The following APBB1IP variants were observed in gnomAD, a reference collection of about 807,000 sequenced individuals.
The protein encoded by APBB1IP is amyloid beta A4 precursor protein-binding family B member 1-interacting protein.
A neutral mutation model predicts 64.9 loss-of-function variants in APBB1IP; 27 were observed. The observed-to-expected ratio is 0.42, with a 90% CI of 0.31 to 0.57. APBB1IP has a LOEUF of 0.57. Ranked by LOEUF, APBB1IP falls within the 20% of genes least tolerant of loss-of-function variation. The probability of loss-of-function intolerance (pLI) is 0.20; values close to 1 mark genes in which losing one functional copy is unlikely to be tolerated. For missense variants in APBB1IP, 812 were observed against 845.5 expected (o/e 0.96, Z 0.49); for synonymous variants, 392 against 331.0 (o/e 1.18, Z -2.00).
chr10:26,565,388 T>A (rs1372872420), intron 14 of APBB1IP, among the ~76,000 whole-genome samples: 1 of 152,074 alleles, frequency 6.6e-6, no homozygotes, highest in Non-Finnish European at 1.5e-5. Flanking sequence ...AGGAGTGAAG[T>A]CATTTGGCTT....
At chr10:26,554,946 C>T (rs1392207364) in intron 11 of APBB1IP, among the ~76,000 whole-genome samples, 1 of 152,120 alleles carries the variant, frequency 6.6e-6, no homozygotes, top group Non-Finnish European at 1.5e-5. Flanking sequence ...AACTTTATTA[C>T]ATCTGGCAAT....
intron 11 of APBB1IP, among the ~76,000 whole-genome samples, chr10:26,545,630 G>A (rs893018445): frequency 2.0e-5 from 3 of 152,010 alleles, no homozygotes; most frequent in Non-Finnish European, 4.4e-5. Context: ...CGTGGTAGCG[G>A]GCGCCTGTAG....
intron 2 of APBB1IP, among the ~76,000 whole-genome samples, chr10:26,465,200 G>T (rs1329171092): frequency 6.6e-6 from 1 of 152,214 alleles, no homozygotes; most frequent in Non-Finnish European, 1.5e-5. Context: ...CCATAGGAAA[G>T]TGTGTGTCAG....
intron 11 of APBB1IP, among the ~76,000 whole-genome samples, chr10:26,542,454 C>A (rs1306145502): frequency 6.6e-6 from 1 of 152,186 alleles, no homozygotes; most frequent in Non-Finnish European, 1.5e-5. Flanking sequence ...CCACTCCTGG[C>A]CGATTTACAT....
chr10:26,463,706 G>A (rs1420804612), intron 2 of APBB1IP, among the ~76,000 whole-genome samples: 1 of 152,154 alleles, frequency 6.6e-6, no homozygotes, highest in African/African-American at 2.4e-5. Context: ...ATTGTTGACA[G>A]GGAAGTCAAA....
At chr10:26,523,736 A>G (rs917933833) in intron 8 of APBB1IP, among the ~76,000 whole-genome samples, 4 of 152,140 alleles carry the variant, frequency 2.6e-5, no homozygotes, top group Non-Finnish European at 5.9e-5. Context: ...TGGGAGGCCA[A>G]GGTGGGAGGA....
At chr10:26,484,423 C>T (rs1037512812) in intron 2 of APBB1IP, among the ~76,000 whole-genome samples, 1 of 152,176 alleles carries the variant, frequency 6.6e-6, no homozygotes, top group African/African-American at 2.4e-5. Flanking sequence ...GTGCCTCAGA[C>T]TCCCAAGTAG....
At chr10:26,473,065 G>A (rs1419105561) in intron 2 of APBB1IP, among the ~76,000 whole-genome samples, 1 of 152,162 alleles carries the variant, frequency 6.6e-6, no homozygotes, top group Non-Finnish European at 1.5e-5. Context: ...AAGATTCTAA[G>A]GCATATGGAA....
At chr10:26,448,104 TAAA>T (rs1302567952) in intron 2 of APBB1IP, among the ~76,000 whole-genome samples, 2 of 151,902 alleles carry the variant, frequency 1.3e-5, no homozygotes, top group Non-Finnish European at 2.9e-5. Context: ...TATTTAACAG[TAAA>T]AATCAAGTGA....
In APBB1IP at chr10:26,501,273, G is replaced by A. The variant is rs79442986; in HGVS notation, c.453+162G>A. The A allele has an allele frequency of 5.4e-5, 52 of 970,260 alleles. 1 individual carries two copies. Among genetic ancestry groups the A allele is most frequent in the South Asian group, 1.8e-4 (11 of 61,152 alleles). The allele number at this position is 970,260 out of a possible 1,614,324, so 60.1% of individuals were successfully genotyped here. A position where few individuals can be genotyped will look rare whatever the true frequency, so the allele number is the denominator to read the frequency against. ...GCTCATTGCAAAGCTAGAACCCTCC[G>A]TAAGCAAGCCACATGGGTGTGTATC... On this transcript the variant is annotated intron_variant, in intron 5 of 14. Coordinates refer to ENST00000376236, the MANE Select transcript of APBB1IP (RefSeq NM_019043.4).
intron 11 of APBB1IP, among the ~76,000 whole-genome samples, chr10:26,555,321 T>C (rs1448709480): frequency 6.6e-6 from 1 of 152,154 alleles, no homozygotes; most frequent in East Asian, 1.9e-4. Context: ...TTTACTCAGA[T>C]TCCACACCAG....
At chr10:26,524,034 C>A (rs945708581) in intron 8 of APBB1IP, among the ~76,000 whole-genome samples, 1 of 152,050 alleles carries the variant, frequency 6.6e-6, no homozygotes, top group Non-Finnish European at 1.5e-5. Context: ...ACTATGGCAC[C>A]GTGGCATGCT....
At position 26,501,028 on chromosome 10, in the gene APBB1IP, T is replaced by G; in HGVS notation, c.370T>G (p.Tyr124Asp). ...TGTTGCTGCCACTGGTATCAGCCAA[T>G]ATGAGGATGACTTACCACCTCCACC... is the stretch of plus-strand genomic sequence containing the variant. ...TNVAATGISQ[Y>D]EDDLPPPPAD... is the part of the protein sequence containing the mutation. The change falls in exon 5 of 15, where the codon TAT becomes GAT. Residue 124 changes from tyrosine (Y) to aspartate (D), a missense_variant. Transcript: ENST00000376236. 1 of 1,614,176 alleles carries G rather than the reference T, an allele frequency of 6.2e-7. No individual in the cohort carries two copies. Among genetic ancestry groups the G allele is most frequent in the South Asian group, 1.1e-5 (1 of 91,078 alleles).
chr10:26,521,647 C>T (rs187087183), intron 8 of APBB1IP, among the ~76,000 whole-genome samples: 183 of 152,328 alleles, frequency 1.2e-3, no homozygotes, highest in Middle Eastern at 6.8e-3. Flanking sequence ...ATCTCAAACT[C>T]TGTGCTTGCG....
intron 4 of APBB1IP, 71 bp downstream of exon 4, chr10:26,496,462 A>G: frequency 1.6e-6 from 2 of 1,274,822 alleles, no homozygotes; most frequent in Non-Finnish European, 2.2e-6. Context: ...ATGAAACTAT[A>G]ATTTGAAAAC....
At chr10:26,548,492 A>G (rs920878362) in intron 11 of APBB1IP, among the ~76,000 whole-genome samples, 13 of 152,128 alleles carry the variant, frequency 8.5e-5, no homozygotes, top group African/African-American at 2.9e-4. Flanking sequence ...AACACGGGAT[A>G]TCTTTCCATT....
At chr10:26,520,562 T>G (rs1023140748) in intron 8 of APBB1IP, among the ~76,000 whole-genome samples, 1 of 152,204 alleles carries the variant, frequency 6.6e-6, no homozygotes, top group Admixed American at 6.5e-5. Flanking sequence ...AGAAAGTGAA[T>G]GCAGAGGGAG....
intron 2 of APBB1IP, among the ~76,000 whole-genome samples, chr10:26,474,692 T>C (rs895591831): frequency 1.8e-4 from 27 of 152,342 alleles, no homozygotes; most frequent in African/African-American, 5.0e-4. Context: ...AAATGAAAAA[T>C]TGAGTCTAAA....
intron 2 of APBB1IP, among the ~76,000 whole-genome samples, chr10:26,464,308 A>G (rs1055947995): frequency 6.6e-6 from 1 of 152,186 alleles, no homozygotes; most frequent in Non-Finnish European, 1.5e-5. Context: ...AGTACATTTT[A>G]AATGTATTAA....
Sources: gnomAD v4.1 joint callset for allele counts (sites outside exome capture counted in the v4.1 genomes callset) on GRCh38, gnomAD v4.1.1 for gene constraint, MANE v1.5 for transcripts, NCBI Gene and HGNC (gene_info 2026-07-23, HGNC 2026-07-21) for gene names.